RALY: variants seen among roughly 807,000 people sequenced by gnomAD.
RALY encodes RALY heterogeneous nuclear ribonucleoprotein.
Under a neutral mutation model 30.7 loss-of-function variants are expected in RALY, and 15 were observed. That is an observed-to-expected ratio of 0.49 (90% CI 0.33 to 0.75). The LOEUF is 0.75. RALY is among the 30% of genes least tolerant of loss of function. The pLI, the probability that RALY is intolerant of heterozygous loss-of-function variation, is 0.02. For missense variants in RALY, 339 were observed against 414.3 expected (o/e 0.82, Z 1.58); for synonymous variants, 177 against 170.8 (o/e 1.04, Z -0.28).
At chr20:34,000,597 G>A (rs1181132337) in intron 1 of RALY, among the ~76,000 whole-genome samples, 2 of 152,170 alleles carry the variant, frequency 1.3e-5, no homozygotes, top group Non-Finnish European at 2.9e-5. Flanking sequence ...AAGGAAAGAT[G>A]GGATATTGTC....
At chr20:34,050,763 C>T (rs1464770210) in intron 2 of RALY, among the ~76,000 whole-genome samples, 1 of 152,178 alleles carries the variant, frequency 6.6e-6, no homozygotes, top group East Asian at 1.9e-4. Flanking sequence ...CCCTTTGGAC[C>T]TATTTCCCAG....
At chr20:34,017,034 C>G (rs1214584302) in intron 1 of RALY, among the ~76,000 whole-genome samples, 3 of 74,296 alleles carry the variant, frequency 4.0e-5, no homozygotes. Context: ...TAGCCCACCT[C>G]CCCTGGGGAC....
rs2034069780 is a variant in RALY, at chr20:34,084,214, T to TG, written c.*4314dup. On this transcript the variant is annotated 3_prime_UTR_variant, in exon 10 of 10. Transcript: ENST00000246194. ...ACACGTGCCTGTAGTCCCCGCTACT[T>TG]GGGGGACTACAGTGGGAGATCATTT... 6.6e-6 allele frequency: 1 copy of TG among 151,984 alleles called. No individual in the cohort carries two copies. Among genetic ancestry groups the TG allele is most frequent in the Non-Finnish European group, 1.5e-5 (1 of 67,988 alleles). 9.4% of individuals were successfully genotyped at this position (151,984 alleles called of 1,614,324 possible).
intron 2 of RALY, among the ~76,000 whole-genome samples, chr20:34,035,187 A>C (rs1482541315): frequency 3.7e-5 from 5 of 134,364 alleles, no homozygotes. Flanking sequence ...AAAAAAAAAA[A>C]CAGTCTGGAG....
chr20:34,068,714 A>T (rs2033646207), intron 2 of RALY, among the ~76,000 whole-genome samples: 1 of 152,222 alleles, frequency 6.6e-6, no homozygotes, highest in Non-Finnish European at 1.5e-5. Context: ...TCTTGGACTC[A>T]TTAGGATTCT....
chr20:34,063,640 C>G (rs990660604), intron 2 of RALY, among the ~76,000 whole-genome samples: 15 of 152,176 alleles, frequency 9.9e-5, no homozygotes, highest in African/African-American at 3.4e-4. Context: ...AAGTATGCAT[C>G]TATCCAGGGA....
chr20:34,046,865 G>T (rs1264509665), intron 2 of RALY, among the ~76,000 whole-genome samples: 1 of 143,164 alleles, frequency 7.0e-6, no homozygotes, highest in Non-Finnish European at 1.5e-5. Flanking sequence ...TGTTGCCCAG[G>T]CTGGAGTGCA....
chr20:34,070,767 G>A (rs1238391915), intron 2 of RALY, among the ~76,000 whole-genome samples: 3 of 152,166 alleles, frequency 2.0e-5, no homozygotes, highest in African/African-American at 4.8e-5. Flanking sequence ...GGATTATTCA[G>A]TATTGTATAC....
chr20:34,054,494 C>G (rs576610122), intron 2 of RALY, among the ~76,000 whole-genome samples: 1 of 152,118 alleles, frequency 6.6e-6, no homozygotes, highest in Non-Finnish European at 1.5e-5. Flanking sequence ...GGTTTGTACT[C>G]AGAAAACTCC....
chr20:34,042,208 C>T (rs1018160530), intron 2 of RALY, among the ~76,000 whole-genome samples: 1 of 152,180 alleles, frequency 6.6e-6, no homozygotes, highest in Non-Finnish European at 1.5e-5. Context: ...CCCCACTACC[C>T]TTACCAAACA....
intron 2 of RALY, among the ~76,000 whole-genome samples, chr20:34,051,768 T>G (rs369614444): frequency 2.8e-4 from 42 of 152,094 alleles, no homozygotes; most frequent in East Asian, 1.6e-3. Flanking sequence ...GCTAATTTTT[T>G]TTGTTGTTGT....
intron 5 of RALY, among the ~76,000 whole-genome samples, chr20:34,074,609 T>C (rs900192505): frequency 6.6e-6 from 1 of 152,264 alleles, no homozygotes; most frequent in South Asian, 2.1e-4. Flanking sequence ...GAAAGTGTCT[T>C]AGCCTGGGGG....
At chr20:34,007,820 CAAAAAAAAA>C (rs10649045) in intron 1 of RALY, among the ~76,000 whole-genome samples, 2 of 101,608 alleles carry the variant, frequency 2.0e-5, no homozygotes, top group African/African-American at 7.1e-5. Context: ...AACTCCGTCT[CAAAAAAAAA>C]AAAAAAAAAA....
intron 1 of RALY, among the ~76,000 whole-genome samples, chr20:34,018,280 A>G (rs1471256703): frequency 6.6e-6 from 1 of 152,198 alleles, no homozygotes; most frequent in Admixed American, 6.5e-5. Flanking sequence ...TACCAACTGA[A>G]ACTTATTTCT....
At position 34,026,600 on chromosome 20, in the gene RALY, C is replaced by T. The variant is rs371691144; in HGVS notation, c.-92-4922C>T. On this transcript the variant is annotated intron_variant, in intron 1 of 9. Coordinates refer to ENST00000246194, the MANE Select transcript of RALY (RefSeq NM_016732.3). Reference sequence around the variant, plus strand: ...TTTTTTTTTGTATTTTTAGTAGAGACGGGGTTTCACCGTGTTAGCCAGGAT... The same window carrying T: ...TTTTTTTTTGTATTTTTAGTAGAGATGGGGTTTCACCGTGTTAGCCAGGAT... Among the ~76,000 whole-genome samples the T allele has an allele frequency of 1.1e-4, 16 of 150,968 alleles. No individual in the cohort carries two copies. The South Asian group carries it at 1.3e-3, about 12-fold the overall frequency.
rs899101424 is a variant in RALY at position 34,080,432 on chromosome 20, A to C, written c.*527A>C. The stretch of plus-strand genomic sequence containing the variant: ...TGGGGAGGGTTGGATATGCTGGCCC[A>C]TGAGCATCTTGCTGGCTGAAGTGTC... On this transcript the variant is annotated 3_prime_UTR_variant, in exon 10 of 10. Transcript: ENST00000246194. The C allele has an allele frequency of 6.6e-6, 1 of 152,504 alleles. No homozygotes were observed. The highest frequency in any genetic ancestry group is 2.4e-5 in the African/African-American group (1 of 41,428). 9.4% of individuals were successfully genotyped at this position (152,504 alleles called of 1,614,324 possible).
rs911713957 is a variant in RALY, at chr20:34,023,570, A to T, written c.-92-7952A>T. On this transcript the variant is annotated intron_variant, in intron 1 of 9. Coordinates refer to ENST00000246194, the MANE Select transcript of RALY (RefSeq NM_016732.3). ...GTCCTTGGATTTTGAGTTGGGCTTT[A>T]GTTCGAGGGGGTGGGGGTCTGAAGT... Among the ~76,000 whole-genome samples, 17 of 152,192 alleles carry T rather than the reference A, an allele frequency of 1.1e-4. No individual in the cohort carries two copies. In the Middle Eastern group the frequency reaches 0.02, roughly 183 times the overall value.
chr20:34,024,458 G>T (rs1371931981), intron 1 of RALY, among the ~76,000 whole-genome samples: 1 of 152,228 alleles, frequency 6.6e-6, no homozygotes, highest in African/African-American at 2.4e-5. Context: ...GCTGTTAGCT[G>T]CCCAGAAAAT....
At chr20:34,015,603 T>A (rs1197574465) in intron 1 of RALY, among the ~76,000 whole-genome samples, 1 of 151,948 alleles carries the variant, frequency 6.6e-6, no homozygotes, top group East Asian at 1.9e-4. Context: ...TTTTTTAACC[T>A]CCCACAGTGC....
Sources: gnomAD v4.1 joint callset for allele counts (sites outside exome capture counted in the v4.1 genomes callset) on GRCh38, gnomAD v4.1.1 for gene constraint, MANE v1.5 for transcripts, NCBI Gene and HGNC (gene_info 2026-07-23, HGNC 2026-07-21) for gene names.